The following IFT52 variants were observed in gnomAD, a reference collection of about 807,000 sequenced individuals.
IFT52 encodes the protein intraflagellar transport protein 52 homolog.
Under a neutral mutation model 54.4 loss-of-function variants are expected in IFT52, and 44 were observed. The ratio of observed to expected loss-of-function variants is 0.81; its 90% CI spans 0.63 to 1.04. IFT52 has a LOEUF of 1.04. Among genes scored for constraint, IFT52 ranks in the 50% least tolerant of loss-of-function variants. The pLI is 0.00. For synonymous variants in IFT52, 181 were observed against 185.3 expected (o/e 0.98, Z 0.19); for missense variants, 452 against 523.6 (o/e 0.86, Z 1.33).
At chr20:43,606,210 G>A (rs1982865073) in intron 6 of IFT52, among the ~76,000 whole-genome samples, 1 of 148,182 alleles carries the variant, frequency 6.7e-6, no homozygotes, top group South Asian at 2.1e-4. Flanking sequence ...GACAGATGGA[G>A]ACTTCGTCTA....
intron 12 of IFT52, among the ~76,000 whole-genome samples, chr20:43,638,693 A>G (rs1224249433): frequency 6.6e-6 from 1 of 152,200 alleles, no homozygotes; most frequent in East Asian, 1.9e-4. Flanking sequence ...TAGCAGAGTA[A>G]TGGTCTTAAA....
chr20:43,638,836 G>C (rs956276440), intron 12 of IFT52, among the ~76,000 whole-genome samples: 5 of 152,158 alleles, frequency 3.3e-5, no homozygotes, highest in African/African-American at 1.2e-4. Flanking sequence ...ATATAAAACT[G>C]CATGTACAAG....
chr20:43,633,623 G>C (rs992983311), intron 10 of IFT52, among the ~76,000 whole-genome samples: 1 of 152,040 alleles, frequency 6.6e-6, no homozygotes, highest in African/African-American at 2.4e-5. Context: ...CAGGAGCATC[G>C]CTTGAACCCG....
chr20:43,600,742 G>A (rs777182708), intron 3 of IFT52, among the ~76,000 whole-genome samples: 4 of 152,070 alleles, frequency 2.6e-5, no homozygotes, highest in African/African-American at 4.8e-5. Flanking sequence ...AGGCCGAGGC[G>A]GGTGGAACAC....
rs765906322 is a variant in IFT52 at position 43,637,263 on chromosome 20, G to T, written c.1120+10G>T. ...CAGATTACCAATAAGTGTAAGTTTG[G>T]CGAACTTTTTTTTTTTGAGACAGAG... is the stretch of plus-strand genomic sequence containing the variant. On this transcript the variant is annotated intron_variant, in intron 12 of 13. Coordinates refer to ENST00000373030, the MANE Select transcript of IFT52 (RefSeq NM_016004.5). 2.0e-6 allele frequency: 3 copies of T among 1,508,966 alleles called. No homozygotes were observed. The highest frequency in any genetic ancestry group is 1.3e-5 in the South Asian group (1 of 79,112). 93.5% of individuals were successfully genotyped at this position (1,508,966 alleles called of 1,614,324 possible).
At chr20:43,611,310 C>G (rs758124504) in intron 6 of IFT52, among the ~76,000 whole-genome samples, 41 of 152,144 alleles carry the variant, frequency 2.7e-4, no homozygotes, top group Non-Finnish European at 1.6e-4. Flanking sequence ...TTTACACAAG[C>G]TATTCCGTCT....
At chr20:43,597,381 A>AAAATG (rs1555800926) in intron 3 of IFT52, among the ~76,000 whole-genome samples, 1 of 146,422 alleles carries the variant, frequency 6.8e-6, no homozygotes, top group Admixed American at 6.8e-5. Flanking sequence ...CAAAAAAAAA[A>AAAATG]AAAGAAAGAA....
intron 9 of IFT52, among the ~76,000 whole-genome samples, chr20:43,621,245 A>T (rs970955212): frequency 6.6e-6 from 1 of 152,196 alleles, no homozygotes; most frequent in African/African-American, 2.4e-5. Flanking sequence ...CAGAAATCTG[A>T]AATTTTCTCA....
intron 7 of IFT52, among the ~76,000 whole-genome samples, chr20:43,617,034 A>G (rs1983910467): frequency 6.6e-6 from 1 of 152,048 alleles, no homozygotes; most frequent in African/African-American, 2.4e-5. Flanking sequence ...AAAAAATTAT[A>G]GTATACTTTT....
At chr20:43,642,904 C>T (rs777311079) in intron 13 of IFT52, among the ~76,000 whole-genome samples, 2 of 152,080 alleles carry the variant, frequency 1.3e-5, no homozygotes, top group Non-Finnish European at 2.9e-5. Flanking sequence ...CAGTGGCTCA[C>T]GCCTGTAATC....
intron 10 of IFT52, among the ~76,000 whole-genome samples, chr20:43,628,869 G>C (rs1410455263): frequency 6.7e-6 from 1 of 148,392 alleles, no homozygotes; most frequent in Non-Finnish European, 1.5e-5. Context: ...AAAAAAAATT[G>C]CCAAAGAGAT....
intron 3 of IFT52, among the ~76,000 whole-genome samples, chr20:43,602,205 G>A (rs968690313): frequency 2.7e-5 from 4 of 150,122 alleles, no homozygotes; most frequent in South Asian, 4.2e-4. Flanking sequence ...TTGCTCTGTC[G>A]CCAGGCTGGA....
intron 6 of IFT52, among the ~76,000 whole-genome samples, chr20:43,608,229 T>C (rs749125931): frequency 1.3e-5 from 2 of 152,086 alleles, no homozygotes; most frequent in Non-Finnish European, 2.9e-5. Flanking sequence ...AGCATTGAAA[T>C]TTCTGGGTCA....
intron 8 of IFT52, among the ~76,000 whole-genome samples, 155 bp from the exon 9 acceptor site, chr20:43,620,702 A>G (rs1984229519): frequency 6.6e-6 from 1 of 152,170 alleles, no homozygotes; most frequent in Non-Finnish European, 1.5e-5. Context: ...GAGTTCTCAT[A>G]TGATTGCATC....
At chr20:43,617,114 A>T (rs1359820143) in intron 7 of IFT52, among the ~76,000 whole-genome samples, 1 of 152,162 alleles carries the variant, frequency 6.6e-6, no homozygotes, top group East Asian at 1.9e-4. Flanking sequence ...ATGAAATTTA[A>T]CTGCTGAAGA....
intron 9 of IFT52, among the ~76,000 whole-genome samples, chr20:43,621,914 T>C (rs1241004443): frequency 3.9e-5 from 6 of 152,246 alleles, no homozygotes; most frequent in African/African-American, 1.4e-4. Context: ...TCCTCATAAC[T>C]GCCCTGGGAG....
intron 5 of IFT52, 40 bp from the exon 6 acceptor site, chr20:43,604,962 A>T (rs921803668): frequency 1.9e-6 from 3 of 1,600,984 alleles, no homozygotes; most frequent in Non-Finnish European, 1.7e-6. Context: ...AAATTCTCAA[A>T]TTTTTTTTGT....
intron 3 of IFT52, among the ~76,000 whole-genome samples, chr20:43,599,282 C>G (rs1028572571): frequency 1.3e-5 from 2 of 152,134 alleles, no homozygotes; most frequent in Non-Finnish European, 2.9e-5. Context: ...ACCAACCAGC[C>G]TCAGGAACAC....
intron 8 of IFT52, among the ~76,000 whole-genome samples, chr20:43,620,090 T>C (rs1984171411): frequency 6.6e-6 from 1 of 151,752 alleles, no homozygotes; most frequent in Admixed American, 6.6e-5. Context: ...CTAATTTTTG[T>C]ATTTTTAGTA....
Sources: gnomAD v4.1 joint callset for allele counts (sites outside exome capture counted in the v4.1 genomes callset) on GRCh38, gnomAD v4.1.1 for gene constraint, MANE v1.5 for transcripts, NCBI Gene and HGNC (gene_info 2026-07-23, HGNC 2026-07-21) for gene names.